Variants in MAMLD1 observed in about 807,000 individuals in gnomAD.
MAMLD1 encodes the protein mastermind-like domain-containing protein 1.
In MAMLD1, 14 loss-of-function variants were observed where a neutral mutation model predicts 45.0. The observed-to-expected ratio is 0.31, with a 90% CI of 0.21 to 0.49. The LOEUF is 0.49. Ranked by LOEUF, MAMLD1 falls within the 20% of genes least tolerant of loss-of-function variation. MAMLD1 has a pLI of 0.99. For missense variants in MAMLD1, 543 were observed against 603.6 expected (o/e 0.90, Z 1.05); for synonymous variants, 254 against 247.8 (o/e 1.02, Z -0.24).
intron 1 of MAMLD1, among the ~76,000 whole-genome samples, chrX:150,364,509 A>G (rs782505406): frequency 8.9e-6 from 1 of 112,560 alleles, no homozygotes; most frequent in South Asian, 3.7e-4. Context: ...GGTGCGGCTG[A>G]CCTGGGCACC....
chrX:150,371,044 G>A (rs1406162859), intron 1 of MAMLD1, among the ~76,000 whole-genome samples: 1 of 111,243 alleles, frequency 9.0e-6, no homozygotes, highest in Non-Finnish European at 1.9e-5. Context: ...GCCTGCAAGA[G>A]GGTGGGCTCT....
intron 5 of MAMLD1, among the ~76,000 whole-genome samples, chrX:150,492,119 A>G (rs1557407965): frequency 8.9e-6 from 1 of 112,689 alleles, no homozygotes; most frequent in African/African-American, 3.2e-5. Flanking sequence ...TTTGGCTACC[A>G]TTCCTTCATC....
At chrX:150,489,781 C>T (rs2085555852) in intron 5 of MAMLD1, among the ~76,000 whole-genome samples, 1 of 109,833 alleles carries the variant, frequency 9.1e-6, no homozygotes, top group African/African-American at 3.3e-5. Flanking sequence ...GCACCCGTAT[C>T]GGGTTAGACA....
intron 6 of MAMLD1, chrX:150,504,653 T>G (rs1402141696): frequency 5.6e-6 from 4 of 710,605 alleles, no homozygotes; most frequent in Non-Finnish European, 6.7e-6. Flanking sequence ...TGCCTTGCCT[T>G]TCCCTGTCTT....
At chrX:150,433,252 C>T (rs2035013391) in intron 1 of MAMLD1, among the ~76,000 whole-genome samples, 1 of 112,160 alleles carries the variant, frequency 8.9e-6, no homozygotes, top group Admixed American at 9.5e-5. Flanking sequence ...GATTTTTGAA[C>T]ATTGATTTTA....
intron 1 of MAMLD1, among the ~76,000 whole-genome samples, chrX:150,387,138 G>C (rs1365100715): frequency 2.7e-5 from 3 of 110,794 alleles, no homozygotes; most frequent in Non-Finnish European, 5.7e-5. Context: ...TGTTTAATAG[G>C]TAAGACATTA....
At position 150,363,389 on chromosome X, in the gene MAMLD1, C is replaced by G. The variant is rs2031125484; in HGVS notation, c.-205C>G. ...GCTGAAGCGGCCGGCGGCGGGCGGG[C>G]GCGGGGGCACCGGCCGCTAGCCAGG... On this transcript the variant is annotated 5_prime_UTR_variant, in exon 1 of 8. Coordinates refer to ENST00000370401, the MANE Select transcript of MAMLD1 (RefSeq NM_005491.5). The G allele has an allele frequency of 9.3e-6, 1 of 107,709 alleles. No individual in the cohort carries two copies. Among genetic ancestry groups the G allele is most frequent in the Non-Finnish European group, 2.0e-5 (1 of 50,814 alleles). The allele number at this position is 107,709 out of a possible 1,213,427, so 8.9% of individuals were successfully genotyped here.
chrX:150,494,191 C>T (rs906820855), intron 5 of MAMLD1, among the ~76,000 whole-genome samples: 4 of 110,035 alleles, frequency 3.6e-5, no homozygotes, highest in Non-Finnish European at 5.7e-5. Context: ...ATCAGAAGTT[C>T]GAGACCAGCC....
In MAMLD1 at chrX:150,513,545, A is replaced by G. The variant is rs1254212196; in HGVS notation, c.*1586A>G. 1 of 291,737 alleles carries G rather than the reference A, an allele frequency of 3.4e-6. No homozygotes were observed. The highest frequency in any genetic ancestry group is 6.0e-6 in the Non-Finnish European group (1 of 167,868). 24.0% of individuals were successfully genotyped at this position (291,737 alleles called of 1,213,427 possible). A position where few individuals can be genotyped will look rare whatever the true frequency, so the allele number is the denominator to read the frequency against. The stretch of plus-strand genomic sequence containing the variant: ...ATGCCAAATAGAAAACCACTTGGCC[A>G]TTTATTTCTATGTTCACTAAAAATC... On this transcript the variant is annotated 3_prime_UTR_variant, in exon 8 of 8. Transcript: ENST00000370401.
chrX:150,460,721 A>G (rs2036010740), intron 2 of MAMLD1, among the ~76,000 whole-genome samples: 1 of 112,154 alleles, frequency 8.9e-6, no homozygotes, highest in African/African-American at 3.2e-5. Context: ...CGTGACTTCC[A>G]CACAGCCCAA....
intron 5 of MAMLD1, among the ~76,000 whole-genome samples, chrX:150,491,754 T>C (rs1238583218): frequency 9.0e-6 from 1 of 111,515 alleles, no homozygotes; most frequent in Non-Finnish European, 1.9e-5. Context: ...CAGTGATAGC[T>C]CTTGCCTCCT....
rs1178451790 is a variant in MAMLD1 at position 150,403,827 on chromosome X, AAG to A, written c.-64+40315_-64+40316del. Among the ~76,000 whole-genome samples, 55 of 102,982 alleles carry A rather than the reference AAG, an allele frequency of 5.3e-4. 1 individual carries two copies. Among genetic ancestry groups the A allele is most frequent in the South Asian group, 1.8e-3 (4 of 2,253 alleles). 89.4% of individuals were successfully genotyped at this position (102,982 alleles called of 115,157 possible). A position where few individuals can be genotyped will look rare whatever the true frequency, so the allele number is the denominator to read the frequency against. On this transcript the variant is annotated intron_variant, in intron 1 of 7. Transcript: ENST00000370401. ...AAAGGAAGAAAGGAAGAAAGAAAGA[AAG>A]AGAGAGAGAGAGAGAGAAAGAGAAG...
chrX:150,444,320 G>A (rs2035418804), intron 1 of MAMLD1, among the ~76,000 whole-genome samples: 1 of 111,884 alleles, frequency 8.9e-6, no homozygotes, highest in Non-Finnish European at 1.9e-5. Context: ...TTTCTGTCTT[G>A]CTAGGTTACC....
At chrX:150,361,620 G>A (rs2030984542), upstream of MAMLD1, 1 of 112,726 alleles carries the variant, frequency 8.9e-6, no homozygotes, top group Non-Finnish European at 1.9e-5. Flanking sequence ...CAGGAGCTGA[G>A]CGCTGCTGCT....
intron 1 of MAMLD1, among the ~76,000 whole-genome samples, chrX:150,444,359 C>T (rs1312443997): frequency 8.9e-6 from 1 of 111,796 alleles, no homozygotes; most frequent in Non-Finnish European, 1.9e-5. Flanking sequence ...CTAGAAAGAG[C>T]AGGCTTTTGT....
intron 5 of MAMLD1, among the ~76,000 whole-genome samples, chrX:150,495,407 CAG>C (rs2037347190): frequency 8.9e-6 from 1 of 112,037 alleles, no homozygotes; most frequent in African/African-American, 3.2e-5. Flanking sequence ...AGGACACTAG[CAG>C]AGTTGTGGAC....
chrX:150,405,793 G>C (rs2033979141), intron 1 of MAMLD1, among the ~76,000 whole-genome samples: 1 of 111,432 alleles, frequency 9.0e-6, no homozygotes, highest in Non-Finnish European at 1.9e-5. Flanking sequence ...GAGGCCCCCT[G>C]CTGGACAGAG....
chrX:150,364,673 G>A (rs922033581), intron 1 of MAMLD1, among the ~76,000 whole-genome samples: 1 of 112,802 alleles, frequency 8.9e-6, no homozygotes, highest in Non-Finnish European at 1.9e-5. Flanking sequence ...CTGCTCACGG[G>A]TAGGCAAACC....
chrX:150,386,332 A>C (rs1331945988), intron 1 of MAMLD1, among the ~76,000 whole-genome samples: 2 of 111,181 alleles, frequency 1.8e-5, no homozygotes, highest in Admixed American at 1.9e-4. Context: ...CTCTTCCAAA[A>C]CATTGACAAT....
Sources: allele counts gnomAD v4.1 joint callset (sites outside exome capture counted in the v4.1 genomes callset), GRCh38; gene constraint gnomAD v4.1.1; transcripts MANE v1.5; gene names NCBI Gene and HGNC (gene_info 2026-07-23, HGNC 2026-07-21).